Variants in KITLG observed in about 807,000 individuals in gnomAD.
The protein encoded by KITLG is KIT ligand.
A neutral mutation model predicts 34.1 loss-of-function variants in KITLG; 13 were observed. The ratio of observed to expected loss-of-function variants is 0.38; its 90% CI spans 0.25 to 0.61. The LOEUF (loss-of-function observed/expected upper bound fraction) is 0.61, where lower values mean the gene tolerates loss of function less well. KITLG is among the 20% of genes least tolerant of loss of function. The pLI, the probability that KITLG is intolerant of heterozygous loss-of-function variation, is 0.60. For missense variants in KITLG, 292 were observed against 318.9 expected, an observed-to-expected ratio of 0.92 and a Z score of 0.64; for synonymous variants, 110 against 104.0, an observed-to-expected ratio of 1.06 and a Z score of -0.35.
At chr12:88,560,712 G>A (rs1871266950) in intron 1 of KITLG, among the ~76,000 whole-genome samples, 1 of 152,166 alleles carries the variant, frequency 6.6e-6, no homozygotes, top group African/African-American at 2.4e-5. Context: ...GCTCACGCCT[G>A]TAATCCCAGC....
chr12:88,560,193 A>C (rs948545957), intron 1 of KITLG, among the ~76,000 whole-genome samples: 12 of 152,230 alleles, frequency 7.9e-5, no homozygotes, highest in Non-Finnish European at 1.8e-4. Context: ...ATCTATGAGA[A>C]CATTACATGA....
At position 88,516,320 on chromosome 12, in the gene KITLG, C is replaced by T. The variant is rs1869452042; in HGVS notation, c.520+14G>A. The T allele has an allele frequency of 6.2e-7, 1 of 1,606,702 alleles. No homozygotes were observed. Among genetic ancestry groups the T allele is most frequent in the South Asian group, 1.1e-5 (1 of 90,846 alleles). ...GTTGTTTACATTTGAACTGGAAATG[C>T]TTACATGTCTTACCTTTCTCAGGAC... is the stretch of plus-strand genomic sequence containing the variant. On this transcript the variant is annotated intron_variant, in intron 5 of 9. Coordinates refer to ENST00000644744, the MANE Select transcript of KITLG (RefSeq NM_000899.5).
At chr12:88,548,346 C>T (rs553580492) in intron 1 of KITLG, among the ~76,000 whole-genome samples, 28 of 151,910 alleles carry the variant, frequency 1.8e-4, no homozygotes, top group Admixed American at 4.6e-4. Context: ...CCCAGGTACT[C>T]GGGAGGCTGA....
chr12:88,515,730 T>C, intron 5 of KITLG, 113 bp from the exon 6 acceptor site: 1 of 745,948 alleles, frequency 1.3e-6, no homozygotes, highest in Admixed American at 2.0e-5. Context: ...TTCCCAAATC[T>C]AGAGTATTCA....
At chr12:88,533,086 G>T (rs1257425633) in intron 2 of KITLG, among the ~76,000 whole-genome samples, 1 of 152,132 alleles carries the variant, frequency 6.6e-6, no homozygotes, top group East Asian at 1.9e-4. Context: ...CTACTTATGA[G>T]ATGCAAATGC....
At chr12:88,542,779 T>C (rs771323599) in intron 2 of KITLG, among the ~76,000 whole-genome samples, 1 of 152,112 alleles carries the variant, frequency 6.6e-6, no homozygotes, top group Non-Finnish European at 1.5e-5. Context: ...AGATTCGGTA[T>C]AGTGATGCCC....
chr12:88,555,076 A>C (rs887338676), intron 1 of KITLG, among the ~76,000 whole-genome samples: 3 of 151,236 alleles, frequency 2.0e-5, no homozygotes, highest in African/African-American at 7.3e-5. Context: ...CTCTTATAAC[A>C]AAAAAAAACT....
chr12:88,535,915 G>T (rs1870299863), intron 2 of KITLG, among the ~76,000 whole-genome samples: 1 of 152,188 alleles, frequency 6.6e-6, no homozygotes, highest in African/African-American at 2.4e-5. Flanking sequence ...AGGAATTAAA[G>T]ATTAAAATGT....
At chr12:88,512,972 A>C (rs1024326084) in intron 6 of KITLG, among the ~76,000 whole-genome samples, 1 of 151,868 alleles carries the variant, frequency 6.6e-6, no homozygotes, top group Admixed American at 6.6e-5. Flanking sequence ...TACAGGAAAT[A>C]ATAAATATGC....
intron 1 of KITLG, among the ~76,000 whole-genome samples, chr12:88,571,494 T>C (rs1025228657): frequency 2.8e-4 from 43 of 152,246 alleles, no homozygotes; most frequent in Admixed American, 2.8e-3. Context: ...TGAAAATTAA[T>C]GCTGTAAAAT....
At chr12:88,568,955 T>C (rs1275378947) in intron 1 of KITLG, among the ~76,000 whole-genome samples, 1 of 152,228 alleles carries the variant, frequency 6.6e-6, no homozygotes, top group Non-Finnish European at 1.5e-5. Flanking sequence ...TAAGGTCCCA[T>C]GTCAAGCTAG....
At chr12:88,499,750 T>C (rs1421863180) in intron 9 of KITLG, among the ~76,000 whole-genome samples, 3 of 152,284 alleles carry the variant, frequency 2.0e-5, no homozygotes, top group African/African-American at 7.2e-5. Context: ...AAGTCTCACA[T>C]CCCATTAGTA....
intron 1 of KITLG, among the ~76,000 whole-genome samples, chr12:88,567,132 C>T (rs1222165012): frequency 6.6e-6 from 1 of 152,104 alleles, no homozygotes; most frequent in African/African-American, 2.4e-5. Context: ...AAAGCAGGGA[C>T]TTTAATATAT....
intron 6 of KITLG, among the ~76,000 whole-genome samples, chr12:88,511,589 C>G (rs1869279631): frequency 6.6e-6 from 1 of 152,112 alleles, no homozygotes; most frequent in African/African-American, 2.4e-5. Context: ...AGATGAATCT[C>G]CTTAAGTTAC....
At chr12:88,532,351 T>C in intron 3 of KITLG, 90 bp downstream of exon 3, 1 of 968,154 alleles carries the variant, frequency 1.0e-6, no homozygotes, top group East Asian at 2.4e-5. Flanking sequence ...AGCAAGCTCC[T>C]AAATAGCAGC....
At chr12:88,539,746 A>C (rs1210073285) in intron 2 of KITLG, among the ~76,000 whole-genome samples, 1 of 152,108 alleles carries the variant, frequency 6.6e-6, no homozygotes, top group African/African-American at 2.4e-5. Flanking sequence ...ACAAAGTGAG[A>C]GTCCATCTCA....
intron 3 of KITLG, among the ~76,000 whole-genome samples, chr12:88,526,034 C>T (rs1363899665): frequency 6.6e-6 from 1 of 152,016 alleles, no homozygotes; most frequent in Non-Finnish European, 1.5e-5. Context: ...AGAACAGGCG[C>T]ATTATTTTAG....
chr12:88,534,138 A>G (rs1270810543), intron 2 of KITLG, among the ~76,000 whole-genome samples: 1 of 152,168 alleles, frequency 6.6e-6, no homozygotes, highest in Non-Finnish European at 1.5e-5. Flanking sequence ...TAACAGATGA[A>G]GAAACTGAGG....
At chr12:88,501,434 A>AT in intron 9 of KITLG, among the ~76,000 whole-genome samples, 1 of 152,058 alleles carries the variant, frequency 6.6e-6, no homozygotes, top group Non-Finnish European at 1.5e-5. Flanking sequence ...CTGTCTTGGC[A>AT]TTTTTTACTA....
Sources: allele counts gnomAD v4.1 joint callset (sites outside exome capture counted in the v4.1 genomes callset), GRCh38; gene constraint gnomAD v4.1.1; transcripts MANE v1.5; gene names NCBI Gene and HGNC (gene_info 2026-07-23, HGNC 2026-07-21).